The following USP1 variants were observed in gnomAD, a reference collection of about 807,000 sequenced individuals.
USP1 encodes the protein ubiquitin carboxyl-terminal hydrolase 1.
In USP1, 18 loss-of-function variants were observed where a neutral mutation model predicts 72.2. The observed-to-expected ratio is 0.25, with a 90% CI of 0.17 to 0.37. The LOEUF (loss-of-function observed/expected upper bound fraction) is 0.37. Ranked by LOEUF, USP1 falls within the 10% of genes least tolerant of loss-of-function variation. The pLI is 1.00. For missense variants in USP1, 759 were observed against 884.9 expected, an observed-to-expected ratio of 0.86 and a Z score of 1.81; for synonymous variants, 354 against 303.7, an observed-to-expected ratio of 1.17 and a Z score of -1.72.
Position 62,442,203 on chromosome 1 carries a change from T to C in USP1, c.300T>C (p.Tyr100=), listed in dbSNP as rs764524133. 6.3e-7 allele frequency: 1 copy of C among 1,582,178 alleles called. No homozygotes were observed. The highest frequency in any genetic ancestry group is 8.7e-7 in the Non-Finnish European group (1 of 1,155,824). Residue 100 remains tyrosine, a synonymous_variant, in exon 4 of 9, where the codon TAT becomes TAC. Transcript: ENST00000339950. ...CYLNSILQVL[Y]FCPGFKSGVK... is the part of the protein sequence containing the mutation. ...AATCTCACTTTTTATAGGTATTATA[T>C]TTTTGTCCCGGTTTTAAATCTGGAG... is the stretch of plus-strand genomic sequence containing the variant.
intron 3 of USP1, 147 bp from the exon 4 acceptor site, chr1:62,442,048 G>A (rs1645138002): frequency 6.8e-6 from 4 of 586,962 alleles, no homozygotes; most frequent in South Asian, 4.6e-5. Flanking sequence ...CTGATGAAGT[G>A]GAGAACAAAT....
chr1:62,445,555 C>A, intron 6 of USP1, 126 bp downstream of exon 6: 1 of 851,298 alleles, frequency 1.2e-6, no homozygotes. Flanking sequence ...GGAAATTTAA[C>A]ACTGAATGTG....
chr1:62,438,106 A>G (rs1052400882), intron 1 of USP1, among the ~76,000 whole-genome samples: 2 of 152,026 alleles, frequency 1.3e-5, no homozygotes, highest in Non-Finnish European at 2.9e-5. Flanking sequence ...GCAAAATGTT[A>G]CATTCTCGGT....
chr1:62,445,901 C>G (rs1023082602), intron 6 of USP1, among the ~76,000 whole-genome samples: 1 of 152,098 alleles, frequency 6.6e-6, no homozygotes, highest in Admixed American at 6.5e-5. Flanking sequence ...ATCGCCTGAA[C>G]CCGGGAGGTG....
Position 62,441,501 on chromosome 1 carries a change from C to G in USP1, c.184C>G (p.Pro62Ala), listed in dbSNP as rs757400408. 1.5e-5 allele frequency: 24 copies of G among 1,605,068 alleles called. No homozygotes were observed. In the South Asian group the frequency reaches 2.6e-4, roughly 17 times the overall value. Residue 62 changes from proline to alanine, a missense_variant, in exon 3 of 9, where the codon CCT becomes GCT. Coordinates refer to ENST00000339950, the MANE Select transcript of USP1 (RefSeq NM_003368.5). ...TATATTTCATAGTGATCAAGTTGTT[C>G]CTGCAGCACAGTCTTCACCTATAAA... ...YRASEIDQVV[P>A]AAQSSPINCE...
chr1:62,442,950 CG>C (rs1021133816), intron 4 of USP1, among the ~76,000 whole-genome samples: 8 of 152,014 alleles, frequency 5.3e-5, no homozygotes, highest in Admixed American at 3.9e-4. Flanking sequence ...TCCAGTGAGC[CG>C]CGATCAAGCC....
intron 6 of USP1, among the ~76,000 whole-genome samples, chr1:62,446,822 T>C (rs931177582): frequency 6.6e-6 from 1 of 152,142 alleles, no homozygotes; most frequent in South Asian, 2.1e-4. Flanking sequence ...TTATTTTTTT[T>C]ATTTTTTTGG....
intron 2 of USP1, among the ~76,000 whole-genome samples, 193 bp from the exon 3 acceptor site, chr1:62,441,295 A>C (rs192583000): frequency 6.6e-6 from 1 of 152,216 alleles, no homozygotes; most frequent in African/African-American, 2.4e-5. Flanking sequence ...TAATGTTTTT[A>C]AATGCTTTTA....
intron 1 of USP1, among the ~76,000 whole-genome samples, chr1:62,437,912 T>C (rs1645102915): frequency 6.6e-6 from 1 of 152,248 alleles, no homozygotes; most frequent in Admixed American, 6.5e-5. Context: ...AATCGAGTCG[T>C]GTCATCTTAT....
At chr1:62,438,226 C>T (rs375471289) in intron 1 of USP1, among the ~76,000 whole-genome samples, 3 of 152,114 alleles carry the variant, frequency 2.0e-5, no homozygotes, top group African/African-American at 7.2e-5. Context: ...GTTACTCTGT[C>T]GGTTTGAGAT....
Position 62,442,198 on chromosome 1 carries a change from T to C in USP1, c.295T>C (p.Leu99=). 1 of 1,559,866 alleles carries C rather than the reference T, an allele frequency of 6.4e-7. No individual in the cohort carries two copies. Among genetic ancestry groups the C allele is most frequent in the Non-Finnish European group, 8.8e-7 (1 of 1,138,556 alleles). ...TCYLNSILQV[L]YFCPGFKSGV... ...AAGACAATCTCACTTTTTATAGGTA[T>C]TATATTTTTGTCCCGGTTTTAAATC... The change falls in exon 4 of 9, where the codon TTA becomes CTA. Residue 99 remains leucine (L), a synonymous_variant. Coordinates refer to ENST00000339950, the MANE Select transcript of USP1 (RefSeq NM_003368.5).
intron 7 of USP1, among the ~76,000 whole-genome samples, chr1:62,448,223 A>T (rs1170874135): frequency 6.6e-6 from 1 of 152,264 alleles, no homozygotes; most frequent in Non-Finnish European, 1.5e-5. Flanking sequence ...AAATGTAAAC[A>T]GACTAGGCTT....
chr1:62,446,902 C>T (rs1404375551), intron 6 of USP1, among the ~76,000 whole-genome samples: 1 of 152,046 alleles, frequency 6.6e-6, no homozygotes, highest in East Asian at 1.9e-4. Flanking sequence ...GCAACCTCCA[C>T]CTCCCGGGTT....
At chr1:62,448,093 G>A (rs1645188927) in intron 7 of USP1, among the ~76,000 whole-genome samples, 1 of 152,054 alleles carries the variant, frequency 6.6e-6, no homozygotes. Flanking sequence ...GCCTACTGAG[G>A]TTGTTTTTAA....
chr1:62,441,698 T>C, intron 3 of USP1, 90 bp downstream of exon 3: 2 of 1,391,772 alleles, frequency 1.4e-6, no homozygotes, highest in South Asian at 3.0e-5. Context: ...AGGACTTTAA[T>C]GTCCATACTG....
chr1:62,451,754 ATTT>A lies in USP1; in HGVS notation c.*777_*779del, dbSNP rs1427970990. ...CTTAACTATGTATATGAATATTTGA[ATTT>A]TTTACTTGTATATTTTTATAAATAC... is the stretch of plus-strand genomic sequence containing the variant. On this transcript the variant is annotated 3_prime_UTR_variant, in exon 9 of 9. Transcript: ENST00000339950. 2 of 152,484 alleles carry A rather than the reference ATTT, an allele frequency of 1.3e-5. No homozygotes were observed. Among genetic ancestry groups the A allele is most frequent in the Non-Finnish European group, 2.9e-5 (2 of 68,014 alleles). The allele number at this position is 152,484 out of a possible 1,614,324, so 9.4% of individuals were successfully genotyped here. A position where few individuals can be genotyped will look rare whatever the true frequency, so the allele number is the denominator to read the frequency against.
In USP1 at chr1:62,442,412, T is replaced by C. The variant is rs543424321; in HGVS notation, c.396+113T>C. ...GGGTGGATGACAAAGATTATTTCTC[T>C]GTTAGCGAGCTATTGTCAGGCAATT... On this transcript the variant is annotated intron_variant, in intron 4 of 8. Transcript: ENST00000339950. 2.0e-5 allele frequency: 15 copies of C among 737,728 alleles called. No homozygotes were observed. The East Asian group carries it at 4.2e-4, about 21-fold the overall frequency. 45.7% of individuals were successfully genotyped at this position (737,728 alleles called of 1,614,324 possible).
Position 62,443,196 on chromosome 1 carries a change from T to C in USP1, c.434T>C (p.Leu145Ser). 1 of 1,611,818 alleles carries C rather than the reference T, an allele frequency of 6.2e-7. No individual in the cohort carries two copies. The highest frequency in any genetic ancestry group is 8.5e-7 in the Non-Finnish European group (1 of 1,179,478). ...GAAGATTCTTTGGCAAGTTATGAAT[T>C]GATATGCAGTTTACAGTCCTTAATC... Reference protein sequence around the residue: ...CKEDSLASYELICSLQSLIIS... With the variant: ...CKEDSLASYESICSLQSLIIS... The change falls in exon 5 of 9, where the codon TTG becomes TCG. Residue 145 changes from leucine to serine, a missense_variant. Coordinates refer to ENST00000339950, the MANE Select transcript of USP1 (RefSeq NM_003368.5).
intron 8 of USP1, 99 bp from the exon 9 acceptor site, chr1:62,450,146 TA>T: frequency 7.1e-7 from 1 of 1,415,638 alleles, no homozygotes; most frequent in Non-Finnish European, 9.5e-7. Context: ...CACTGGATAT[TA>T]AGGGTTCATT....
Sources: gnomAD v4.1 joint callset for allele counts (sites outside exome capture counted in the v4.1 genomes callset) on GRCh38, gnomAD v4.1.1 for gene constraint, MANE v1.5 for transcripts, NCBI Gene and HGNC (gene_info 2026-07-23, HGNC 2026-07-21) for gene names.